The following ARL15 variants were observed in gnomAD, a reference collection of about 807,000 sequenced individuals.
ARL15 encodes the protein ARF like GTPase 15.
In ARL15, 19 loss-of-function variants were observed where a neutral mutation model predicts 25.2. The ratio of observed to expected loss-of-function variants is 0.75; its 90% CI spans 0.53 to 1.10. The LOEUF (loss-of-function observed/expected upper bound fraction) is 1.10, where lower values mean the gene tolerates loss of function less well. Ranked by LOEUF, ARL15 falls within the 50% of genes least tolerant of loss-of-function variation. ARL15 has a pLI of 0.00. For synonymous variants in ARL15, 94 were observed against 86.8 expected, an observed-to-expected ratio of 1.08 and a Z score of -0.46; for missense variants, 220 against 246.0, an observed-to-expected ratio of 0.89 and a Z score of 0.71.
intron 1 of ARL15, among the ~76,000 whole-genome samples, chr5:54,199,681 C>T (rs1292116961): frequency 6.6e-5 from 10 of 151,118 alleles, no homozygotes; most frequent in East Asian, 1.9e-4. Context: ...CAGGAACACT[C>T]TTACACTGTT....
At chr5:53,969,240 T>C (rs1747661760) in intron 4 of ARL15, among the ~76,000 whole-genome samples, 1 of 152,186 alleles carries the variant, frequency 6.6e-6, no homozygotes, top group Non-Finnish European at 1.5e-5. Flanking sequence ...TAGGCATGCT[T>C]TGTCCACCAT....
At chr5:54,194,758 A>G (rs1042122842) in intron 1 of ARL15, among the ~76,000 whole-genome samples, 1 of 152,218 alleles carries the variant, frequency 6.6e-6, no homozygotes, top group African/African-American at 2.4e-5. Flanking sequence ...TTTATAGATT[A>G]AAAACTGTCT....
intron 4 of ARL15, among the ~76,000 whole-genome samples, chr5:54,087,189 G>A (rs970083165): frequency 5.3e-5 from 8 of 152,248 alleles, no homozygotes; most frequent in East Asian, 1.9e-4. Context: ...TTAGCCAGGC[G>A]TGGTGGCAGG....
At chr5:54,117,937 G>C (rs1394938477) in intron 3 of ARL15, among the ~76,000 whole-genome samples, 7 of 152,124 alleles carry the variant, frequency 4.6e-5, no homozygotes, top group Non-Finnish European at 8.8e-5. Flanking sequence ...TGATGAGATT[G>C]GTGGTGATAT....
chr5:54,241,875 A>G (rs1272002525), intron 1 of ARL15, among the ~76,000 whole-genome samples: 1 of 152,214 alleles, frequency 6.6e-6, no homozygotes, highest in African/African-American at 2.4e-5. Flanking sequence ...TTGAGGACCA[A>G]CTAGAGCAAT....
rs562443485 is a variant in ARL15 at position 54,061,672 on chromosome 5, A to G, written c.462+51530T>C. Among the ~76,000 whole-genome samples the G allele has an allele frequency of 3.9e-5, 6 of 152,334 alleles. No individual in the cohort carries two copies. In the East Asian group the frequency reaches 9.6e-4, roughly 24 times the overall value. On this transcript the variant is annotated intron_variant, in intron 4 of 4. Coordinates refer to ENST00000504924, the MANE Select transcript of ARL15 (RefSeq NM_019087.3). ...CCTCCACCTAGATTTGAGAGGATGTATGGAAATGCCTGAATGCCCAGATAG... is the reference window on the plus strand; with the variant it reads ...CCTCCACCTAGATTTGAGAGGATGTGTGGAAATGCCTGAATGCCCAGATAG...
chr5:54,159,896 T>G (rs543607711), intron 2 of ARL15, among the ~76,000 whole-genome samples: 14 of 152,358 alleles, frequency 9.2e-5, no homozygotes, highest in Admixed American at 2.6e-4. Flanking sequence ...CCTGGAATTG[T>G]AACAAAATTA....
chr5:53,980,072 G>A (rs1183021590), intron 4 of ARL15, among the ~76,000 whole-genome samples: 1 of 152,092 alleles, frequency 6.6e-6, no homozygotes, highest in Non-Finnish European at 1.5e-5. Context: ...ATTCCTTTGA[G>A]TGCTATTGAT....
intron 4 of ARL15, among the ~76,000 whole-genome samples, chr5:54,040,375 A>G (rs1208251773): frequency 2.0e-5 from 3 of 152,210 alleles, no homozygotes; most frequent in Non-Finnish European, 2.9e-5. Context: ...GTCTAACAAG[A>G]TATTTGTTAA....
In ARL15 at chr5:53,966,118, G is replaced by A. The variant is rs150982823; in HGVS notation, c.463-79405C>T. On this transcript the variant is annotated intron_variant, in intron 4 of 4. Transcript: ENST00000504924. The stretch of plus-strand genomic sequence containing the variant: ...CACCAGAAAGACATATGCAGGATTA[G>A]AGGAGTGGAACTTGCAGCCCCATCC... Among the ~76,000 whole-genome samples, 847 of 152,258 alleles carry A rather than the reference G, an allele frequency of 5.6e-3. 5 individuals are homozygous for A. Among genetic ancestry groups the A allele is most frequent in the South Asian group, 0.012 (58 of 4,826 alleles).
At chr5:54,252,967 C>T (rs1388433737) in intron 1 of ARL15, among the ~76,000 whole-genome samples, 1 of 151,954 alleles carries the variant, frequency 6.6e-6, no homozygotes, top group Non-Finnish European at 1.5e-5. Flanking sequence ...TCAGGTGATC[C>T]ACCCGCCTTA....
chr5:54,025,243 G>A (rs1490091437), intron 4 of ARL15, among the ~76,000 whole-genome samples: 1 of 143,920 alleles, frequency 6.9e-6, no homozygotes, highest in Admixed American at 7.0e-5. Context: ...ATATCTGCTA[G>A]TTGAATACAC....
rs374633028 is a variant in ARL15, at chr5:54,139,215, CAT to C, written c.253+15363_253+15364del. Among the ~76,000 whole-genome samples the C allele has an allele frequency of 4.3e-4, 66 of 152,234 alleles. 1 individual carries two copies. Among genetic ancestry groups the C allele is most frequent in the African/African-American group, 8.9e-4 (37 of 41,554 alleles). ...TGTATCAGGAAGACACCTGTACACACATGTTTATCACAGCACAATCCACAACT... is the reference window on the plus strand; with the variant it reads ...TGTATCAGGAAGACACCTGTACACACGTTTATCACAGCACAATCCACAACT... On this transcript the variant is annotated intron_variant, in intron 3 of 4. Transcript: ENST00000504924.
chr5:54,191,112 A>T (rs1012593255), intron 1 of ARL15, among the ~76,000 whole-genome samples: 2 of 152,148 alleles, frequency 1.3e-5, no homozygotes, highest in Non-Finnish European at 2.9e-5. Context: ...CATATAATCG[A>T]TTACTATTTA....
At chr5:54,040,445 T>G (rs752119875) in intron 4 of ARL15, among the ~76,000 whole-genome samples, 3 of 152,158 alleles carry the variant, frequency 2.0e-5, no homozygotes, top group Non-Finnish European at 4.4e-5. Flanking sequence ...ATACCTAAAA[T>G]TTTTGCAGAA....
At chr5:54,285,292 C>A in intron 1 of ARL15, 1 of 798,066 alleles carries the variant, frequency 1.3e-6, no homozygotes, top group Non-Finnish European at 1.5e-6. Context: ...AAAAAGAATG[C>A]CTAAGACAGA....
intron 4 of ARL15, among the ~76,000 whole-genome samples, chr5:54,006,133 A>C (rs950706442): frequency 6.6e-6 from 1 of 151,754 alleles, no homozygotes; most frequent in Admixed American, 6.6e-5. Flanking sequence ...ACCCCTTTAA[A>C]TTTAGAGGCT....
In ARL15 at chr5:53,980,852, A is replaced by C. The variant is rs115088251; in HGVS notation, c.463-94139T>G. Among the ~76,000 whole-genome samples, 1,038 of 152,266 alleles carry C rather than the reference A, an allele frequency of 6.8e-3. 10 individuals carry two copies. Among genetic ancestry groups the C allele is most frequent in the African/African-American group, 0.024 (994 of 41,560 alleles). ...GCCCTGTAGCGAGGCATGGTGGTTCATTCTTGCAGTCCCAGCTACTTGGGA... is the reference window on the plus strand; with the variant it reads ...GCCCTGTAGCGAGGCATGGTGGTTCCTTCTTGCAGTCCCAGCTACTTGGGA... On this transcript the variant is annotated intron_variant, in intron 4 of 4. Transcript: ENST00000504924.
chr5:54,083,965 G>A (rs193063400), intron 4 of ARL15, among the ~76,000 whole-genome samples: 15 of 152,274 alleles, frequency 9.9e-5, no homozygotes, highest in African/African-American at 3.1e-4. Flanking sequence ...GAAGATGACT[G>A]AATGATCTAT....
Sources: allele counts gnomAD v4.1 joint callset (sites outside exome capture counted in the v4.1 genomes callset), GRCh38; gene constraint gnomAD v4.1.1; transcripts MANE v1.5; gene names NCBI Gene and HGNC (gene_info 2026-07-23, HGNC 2026-07-21).